The following CCT3 variants were observed in gnomAD, a reference collection of about 807,000 sequenced individuals.
CCT3 encodes chaperonin containing TCP1 subunit 3, also known as T-complex protein 1 subunit gamma.
In CCT3, 10 loss-of-function variants were observed where a neutral mutation model predicts 65.3. The observed-to-expected ratio is 0.15, with a 90% CI of 0.09 to 0.26. The LOEUF is 0.26. Ranked by LOEUF, CCT3 falls within the 10% of genes least tolerant of loss-of-function variation. The probability of loss-of-function intolerance (pLI) is 1.00; values close to 1 mark genes in which losing one functional copy is unlikely to be tolerated. For synonymous variants in CCT3, 225 were observed against 242.3 expected, an observed-to-expected ratio of 0.93 and a Z score of 0.66; for missense variants, 626 against 708.7, an observed-to-expected ratio of 0.88 and a Z score of 1.33.
chr1:156,333,383 T>A, intron 5 of CCT3, 164 bp downstream of exon 5: 1 of 586,008 alleles, frequency 1.7e-6, no homozygotes. Flanking sequence ...GCTCACCCTA[T>A]TCATATAAAT....
chr1:156,334,678 G>A, intron 4 of CCT3, 35 bp downstream of exon 4: 2 of 1,602,996 alleles, frequency 1.2e-6, no homozygotes, highest in Non-Finnish European at 1.7e-6. Context: ...AGAACTGTCA[G>A]AAAGCAAAAA....
In CCT3 at chr1:156,309,187, C is replaced by A. The variant is rs374465608; in HGVS notation, c.*12G>T. On this transcript the variant is annotated 3_prime_UTR_variant, in exon 14 of 14. Transcript: ENST00000295688. ...TGCTGGTTCTGTGCATTGAAGTAGC[C>A]TTGCCTAGCACTCACTCCTGGCCAG... is the stretch of plus-strand genomic sequence containing the variant. The A allele has an allele frequency of 7.0e-6, 11 of 1,569,354 alleles. 1 individual carries two copies. The South Asian group carries it at 1.2e-4, about 17-fold the overall frequency.
chr1:156,311,958 C>T, intron 11 of CCT3, 83 bp downstream of exon 11: 2 of 1,143,736 alleles, frequency 1.7e-6, no homozygotes, highest in South Asian at 4.1e-5. Flanking sequence ...AAATGGACCA[C>T]AGAATTATTT....
chr1:156,311,300 G>A, intron 11 of CCT3, 105 bp from the exon 12 acceptor site: 13 of 1,149,366 alleles, frequency 1.1e-5, no homozygotes, highest in Non-Finnish European at 1.5e-5. Context: ...CCACCAAGGA[G>A]GGCAACTAGA....
chr1:156,319,100 C>G (rs1664435732), intron 7 of CCT3, 83 bp from the exon 8 acceptor site: 22 of 1,288,474 alleles, frequency 1.7e-5, no homozygotes, highest in Non-Finnish European at 2.1e-5. Context: ...CTTTCCCAAA[C>G]AGCTAGTGTT....
At chr1:156,319,337 C>T (rs549456193) in intron 7 of CCT3, among the ~76,000 whole-genome samples, 1 of 151,968 alleles carries the variant, frequency 6.6e-6, no homozygotes, top group Non-Finnish European at 1.5e-5. Context: ...AGGATGGTCT[C>T]GATCTCCTGA....
intron 10 of CCT3, among the ~76,000 whole-genome samples, chr1:156,315,361 A>C (rs897655937): frequency 6.6e-6 from 1 of 152,088 alleles, no homozygotes; most frequent in South Asian, 2.1e-4. Flanking sequence ...GGCATGCACC[A>C]CCACACCTAG....
At chr1:156,334,220 CAA>C (rs1665231930) in intron 4 of CCT3, among the ~76,000 whole-genome samples, 1 of 132,950 alleles carries the variant, frequency 7.5e-6, no homozygotes, top group Admixed American at 8.4e-5. Context: ...GCCTGGGTGA[CAA>C]GAGCGAGACT....
intron 7 of CCT3, among the ~76,000 whole-genome samples, chr1:156,320,580 T>C (rs1354910496): frequency 6.6e-6 from 1 of 152,114 alleles, no homozygotes; most frequent in Non-Finnish European, 1.5e-5. Context: ...CCCTCATCTC[T>C]ACAAAAAGAA....
intron 6 of CCT3, among the ~76,000 whole-genome samples, chr1:156,324,657 C>T (rs929641144): frequency 6.6e-6 from 1 of 151,938 alleles, no homozygotes; most frequent in Non-Finnish European, 1.5e-5. Context: ...GAGACGGAGT[C>T]TTGCTCTGTC....
intron 2 of CCT3, chr1:156,335,214 T>C: frequency 2.9e-6 from 1 of 339,012 alleles, no homozygotes; most frequent in Middle Eastern, 9.1e-4. Context: ...TGGTTAGCCA[T>C]CACTTTAGAC....
chr1:156,321,003 T>C lies in CCT3; in HGVS notation c.445A>G (p.Ser149Gly). The C allele has an allele frequency of 6.2e-7, 1 of 1,613,448 alleles. No homozygotes were observed. Among genetic ancestry groups the C allele is most frequent in the Non-Finnish European group, 8.5e-7 (1 of 1,179,562 alleles). The change falls in exon 7 of 14, where the codon AGT becomes GGT. Residue 149 changes from serine to glycine, a missense_variant. Coordinates refer to ENST00000295688, the MANE Select transcript of CCT3 (RefSeq NM_005998.5). The part of the protein sequence containing the change: ...KISIPVDISD[S>G]DMMLNIINSS... ...TTGATGATGTTCAGCATCATATCAC[T>C]GTCACTGATGTCGACTGGGATACTA...
chr1:156,320,714 C>A, intron 7 of CCT3, 125 bp downstream of exon 7: 1 of 730,520 alleles, frequency 1.4e-6, no homozygotes, highest in Non-Finnish European at 2.3e-6. Flanking sequence ...GCCTAGGCAA[C>A]AAGGTGAGAC....
chr1:156,334,017 C>G (rs1302234302), intron 4 of CCT3, among the ~76,000 whole-genome samples: 1 of 152,192 alleles, frequency 6.6e-6, no homozygotes, highest in Non-Finnish European at 1.5e-5. Flanking sequence ...GCAGGTGGAT[C>G]GCCTGAGGTC....
intron 5 of CCT3, among the ~76,000 whole-genome samples, chr1:156,331,760 G>A (rs1481927190): frequency 1.3e-5 from 2 of 152,026 alleles, no homozygotes; most frequent in Non-Finnish European, 2.9e-5. Context: ...CAGGCCAGGC[G>A]TGGTGGCTTA....
intron 4 of CCT3, among the ~76,000 whole-genome samples, chr1:156,334,297 A>G (rs1455257140): frequency 6.6e-6 from 1 of 151,954 alleles, no homozygotes; most frequent in Non-Finnish European, 1.5e-5. Context: ...TGTGAATTTT[A>G]CTTTATTTTA....
chr1:156,338,052 TCA>T, intron 1 of CCT3, 100 bp downstream of exon 1: 3 of 1,280,110 alleles, frequency 2.3e-6, no homozygotes, highest in Non-Finnish European at 3.3e-6. Flanking sequence ...ATTGGAAGGC[TCA>T]GTGGCCCGGT....
chr1:156,320,270 G>A (rs1204082730), intron 7 of CCT3, among the ~76,000 whole-genome samples: 1 of 152,112 alleles, frequency 6.6e-6, no homozygotes, highest in South Asian at 2.1e-4. Flanking sequence ...TTAGCTGGGC[G>A]TGGTGGCAGG....
At chr1:156,322,490 C>T (rs949532006) in intron 6 of CCT3, among the ~76,000 whole-genome samples, 1 of 151,990 alleles carries the variant, frequency 6.6e-6, no homozygotes. Context: ...AGCGAGACCC[C>T]CCGCCACCCC....
Sources: gnomAD v4.1 joint callset for allele counts (sites outside exome capture counted in the v4.1 genomes callset) on GRCh38, gnomAD v4.1.1 for gene constraint, MANE v1.5 for transcripts, NCBI Gene and HGNC (gene_info 2026-07-23, HGNC 2026-07-21) for gene names.